Variants in PREP observed in about 807,000 individuals in gnomAD.
PREP encodes prolyl endopeptidase.
Under a neutral mutation model 87.6 loss-of-function variants are expected in PREP, and 29 were observed. The ratio of observed to expected loss-of-function variants is 0.33; its 90% CI spans 0.25 to 0.45. PREP has a LOEUF of 0.45. PREP is among the 20% of genes least tolerant of loss of function. The pLI, the probability that PREP is intolerant of heterozygous loss-of-function variation, is 1.00. For missense variants in PREP, 695 were observed against 886.5 expected, an observed-to-expected ratio of 0.78 and a Z score of 2.74; for synonymous variants, 337 against 328.6, an observed-to-expected ratio of 1.03 and a Z score of -0.28.
intron 6 of PREP, 91 bp from the exon 7 acceptor site, chr6:105,353,168 A>G: frequency 1.9e-6 from 2 of 1,056,618 alleles, no homozygotes; most frequent in Non-Finnish European, 1.4e-6. Flanking sequence ...ATTAAGGTTA[A>G]TTTTCAAAGG....
intron 10 of PREP, among the ~76,000 whole-genome samples, chr6:105,294,797 C>T (rs1364961355): frequency 1.3e-5 from 2 of 152,226 alleles, no homozygotes; most frequent in Non-Finnish European, 2.9e-5. Context: ...CCACTTCTGT[C>T]ATTTCCTTAC....
At chr6:105,310,129 AAG>A (rs893575811) in intron 10 of PREP, among the ~76,000 whole-genome samples, 1 of 152,232 alleles carries the variant, frequency 6.6e-6, no homozygotes, top group African/African-American at 2.4e-5. Context: ...TAATCGGAAG[AAG>A]AGAGAGAGTG....
rs553918994 is a variant in PREP at position 105,326,173 on chromosome 6, T to C, written c.1214-2405A>G. Among the ~76,000 whole-genome samples, 170 of 152,308 alleles carry C rather than the reference T, an allele frequency of 1.1e-3. 3 individuals carry two copies. In the South Asian group the frequency reaches 0.035, roughly 31 times the overall value. On this transcript the variant is annotated intron_variant, in intron 9 of 14. Coordinates refer to ENST00000652536, the MANE Select transcript of PREP (RefSeq NM_002726.5). ...CTCAAAAAGTTTTGCCTTTCCCTGA[T>C]ATCCGTGAAAGGTTTTTCTATGATT... is the stretch of plus-strand genomic sequence containing the variant.
In PREP at chr6:105,402,882, G is replaced by A. The variant is rs370227877; in HGVS notation, c.10C>T (p.Leu4Phe). Residue 4 changes from leucine to phenylalanine, a missense_variant, in exon 1 of 15, where the codon CTT becomes TTT. Leu to Phe is a conservative substitution (Grantham distance 22). Transcript: ENST00000652536. ...TCGCGGTACACGTCGGGGTACTGAA[G>A]GGACAGCATGGCCGGGGACAGGCAG... MLS[L>F]QYPDVYRDET... 4 of 1,535,190 alleles carry A rather than the reference G, an allele frequency of 2.6e-6. No homozygotes were observed. Among genetic ancestry groups the A allele is most frequent in the Non-Finnish European group, 8.8e-7 (1 of 1,137,868 alleles).
rs1249642705 is a variant in PREP at position 105,402,911 on chromosome 6, G to T, written c.-20C>A. 4.1e-6 allele frequency: 6 copies of T among 1,449,140 alleles called. No homozygotes were observed. The highest frequency in any genetic ancestry group is 1.4e-5 in the African/African-American group (1 of 70,578). The allele number at this position is 1,449,140 out of a possible 1,614,324, so 89.8% of individuals were successfully genotyped here. On this transcript the variant is annotated 5_prime_UTR_variant, in exon 1 of 15. Transcript: ENST00000652536. ...CAGCATGGCCGGGGACAGGCAGGGGGCAGCGTGGAGGGGCGCGGGCTCCGG... is the reference window on the plus strand; with the variant it reads ...CAGCATGGCCGGGGACAGGCAGGGGTCAGCGTGGAGGGGCGCGGGCTCCGG...
chr6:105,278,116 C>T lies in PREP; in HGVS notation c.*28G>A, dbSNP rs1156809285. On this transcript the variant is annotated 3_prime_UTR_variant, in exon 15 of 15. Coordinates refer to ENST00000652536, the MANE Select transcript of PREP (RefSeq NM_002726.5). This position sits in a 1 kb window ranked among gnomAD's most constrained non-coding sequence, Gnocchi z 4.2. ...TGGGAAAGCCCTTGAGGTTTTCTGT[C>T]GCTGTCAGGAGGAAGCACGAAAACT... 17 of 1,586,110 alleles carry T rather than the reference C, an allele frequency of 1.1e-5. No individual in the cohort carries two copies. The highest frequency in any genetic ancestry group is 3.4e-5 in the South Asian group (3 of 87,208).
At chr6:105,297,368 T>C (rs1368817398) in intron 10 of PREP, among the ~76,000 whole-genome samples, 1 of 152,228 alleles carries the variant, frequency 6.6e-6, no homozygotes, top group African/African-American at 2.4e-5. Context: ...ATTAGTAACA[T>C]ATAAAATGTC....
intron 1 of PREP, among the ~76,000 whole-genome samples, chr6:105,399,243 G>A (rs1388953355): frequency 1.3e-5 from 2 of 152,202 alleles, no homozygotes; most frequent in African/African-American, 4.8e-5. Context: ...TATCTCAGAT[G>A]AATTTTTTAA....
At position 105,278,465 on chromosome 6, in the gene PREP, G is replaced by T. The variant is rs1212095886; in HGVS notation, c.1839-27C>A. 6.3e-7 allele frequency: 1 copy of T among 1,591,014 alleles called. No homozygotes were observed. The highest frequency in any genetic ancestry group is 8.6e-7 in the Non-Finnish European group (1 of 1,164,034). ...TGGAAGGCAAAAACACCTTTGTGAG[G>T]CTGGAGAGCAACAGTAGAGTTTTAT... On this transcript the variant is annotated intron_variant, in intron 14 of 14. Coordinates refer to ENST00000652536, the MANE Select transcript of PREP (RefSeq NM_002726.5). This position sits in a 1 kb window ranked among gnomAD's most constrained non-coding sequence, Gnocchi z 4.2.
At chr6:105,333,884 C>A (rs1771408596) in intron 7 of PREP, among the ~76,000 whole-genome samples, 1 of 152,152 alleles carries the variant, frequency 6.6e-6, no homozygotes, top group African/African-American at 2.4e-5. Flanking sequence ...CAGTGGCTTC[C>A]AACCACAGAC....
At chr6:105,397,198 A>G (rs1022266169) in intron 2 of PREP, among the ~76,000 whole-genome samples, 3 of 152,008 alleles carry the variant, frequency 2.0e-5, no homozygotes, top group Non-Finnish European at 4.4e-5. Context: ...AAAAAAAAAA[A>G]AAAAGTATAC....
At chr6:105,279,640 G>A (rs1160017122) in intron 14 of PREP, among the ~76,000 whole-genome samples, 1 of 152,218 alleles carries the variant, frequency 6.6e-6, no homozygotes, top group African/African-American at 2.4e-5. Context: ...CAGGGGGCGG[G>A]GAGGTGTGCT....
intron 10 of PREP, among the ~76,000 whole-genome samples, chr6:105,297,589 C>T (rs570937442): frequency 2.2e-4 from 34 of 152,310 alleles, no homozygotes; most frequent in Non-Finnish European, 3.5e-4. Context: ...GTCCACTGTG[C>T]ACACAGTTCT....
chr6:105,278,025 C>T lies in PREP; in HGVS notation c.*119G>A, dbSNP rs2114607315. ...CCACGGCAGTTCTGTTCAACTGTAG[C>T]CTGTGAGTGCAGGAATAATGTTCCC... On this transcript the variant is annotated 3_prime_UTR_variant, in exon 15 of 15. Transcript: ENST00000652536. The surrounding 1 kb of genome is among the most constrained non-coding windows in gnomAD (Gnocchi z 4.2). The T allele has an allele frequency of 7.6e-7, 1 of 1,312,368 alleles. No individual in the cohort carries two copies. The highest frequency in any genetic ancestry group is 2.1e-5 in the Admixed American group (1 of 46,590). 81.3% of individuals were successfully genotyped at this position (1,312,368 alleles called of 1,614,324 possible).
chr6:105,323,055 CGT>C (rs1771054926), intron 10 of PREP: 1 of 1,303,970 alleles, frequency 7.7e-7, no homozygotes, highest in African/African-American at 1.5e-5. Flanking sequence ...AGACATTCTT[CGT>C]CATCATCAAT....
intron 2 of PREP, among the ~76,000 whole-genome samples, chr6:105,384,445 C>T (rs1167965800): frequency 6.6e-6 from 1 of 152,294 alleles, no homozygotes; most frequent in African/African-American, 2.4e-5. Context: ...TCCATCAGAT[C>T]GTATCATCTG....
intron 2 of PREP, among the ~76,000 whole-genome samples, chr6:105,391,426 C>T (rs1462163788): frequency 6.6e-6 from 1 of 152,106 alleles, no homozygotes; most frequent in African/African-American, 2.4e-5. Flanking sequence ...TTCATTATGT[C>T]ATCTCAGCTG....
intron 2 of PREP, among the ~76,000 whole-genome samples, chr6:105,381,156 A>G (rs1193476071): frequency 2.0e-5 from 3 of 152,232 alleles, no homozygotes; most frequent in Non-Finnish European, 4.4e-5. Flanking sequence ...TAGACCATTA[A>G]AGACTGCACT....
chr6:105,391,034 T>TACACACACAC lies in PREP; in HGVS notation c.120+6809_120+6818dup, dbSNP rs59538588. On this transcript the variant is annotated intron_variant, in intron 2 of 14. Coordinates refer to ENST00000652536, the MANE Select transcript of PREP (RefSeq NM_002726.5). ...TGATTTATCTAAGTCTCTGGTTTTA[T>TACACACACAC]ACACACACACACACACACACACACA... is the stretch of plus-strand genomic sequence containing the variant. Among the ~76,000 whole-genome samples the TACACACACAC allele has an allele frequency of 7.7e-3, 1,091 of 141,366 alleles. 16 individuals carry two copies. The highest frequency in any genetic ancestry group is 0.025 in the African/African-American group (918 of 36,092). 92.7% of individuals were successfully genotyped at this position (141,366 alleles called of 152,430 possible). A position where few individuals can be genotyped will look rare whatever the true frequency, so the allele number is the denominator to read the frequency against.
Sources: gnomAD v4.1 joint callset for allele counts (sites outside exome capture counted in the v4.1 genomes callset) on GRCh38, gnomAD v4.1.1 for gene constraint, Gnocchi (gnomAD v3.1) non-coding constraint, MANE v1.5 for transcripts, NCBI Gene and HGNC (gene_info 2026-07-23, HGNC 2026-07-21) for gene names.